Variants in CATSPERE observed in about 807,000 individuals in gnomAD.
CATSPERE encodes the protein cation channel sperm-associated auxiliary subunit epsilon.
In CATSPERE, 93 loss-of-function variants were observed where a neutral mutation model predicts 114.1. The ratio of observed to expected loss-of-function variants is 0.81; its 90% CI spans 0.69 to 0.97. The LOEUF (loss-of-function observed/expected upper bound fraction) is 0.97, where lower values mean the gene tolerates loss of function less well. Among genes scored for constraint, CATSPERE ranks in the 50% least tolerant of loss-of-function variants. The pLI, the probability that CATSPERE is intolerant of heterozygous loss-of-function variation, is 0.00. For synonymous variants in CATSPERE, 341 were observed against 384.1 expected (o/e 0.89, Z 1.31); for missense variants, 1,058 against 1,131.6 (o/e 0.93, Z 0.93).
intron 8 of CATSPERE, among the ~76,000 whole-genome samples, chr1:244,522,669 C>T (rs1343538419): frequency 6.6e-6 from 1 of 152,142 alleles, no homozygotes; most frequent in African/African-American, 2.4e-5. Flanking sequence ...ACCGATCCTA[C>T]AGAAATACAA....
intron 5 of CATSPERE, among the ~76,000 whole-genome samples, chr1:244,482,068 G>A (rs893793870): frequency 2.0e-5 from 3 of 152,150 alleles, no homozygotes; most frequent in Non-Finnish European, 4.4e-5. Flanking sequence ...ACCTATCCAG[G>A]GGGCAGGTTA....
Position 244,639,787 on chromosome 1 carries a change from G to A in CATSPERE, c.2703-141G>A, listed in dbSNP as rs1675133326. 3.5e-5 allele frequency: 25 copies of A among 721,432 alleles called. No individual in the cohort carries two copies. The South Asian group carries it at 4.6e-4, about 13-fold the overall frequency. The allele number at this position is 721,432 out of a possible 1,614,324, so 44.7% of individuals were successfully genotyped here. On this transcript the variant is annotated intron_variant, in intron 21 of 21. Transcript: ENST00000366534. The stretch of plus-strand genomic sequence containing the variant: ...TCAAACACTAAAAGGTAAACACTGT[G>A]AGGGTGGACAGTGTGTCTTATTCAC...
chr1:244,639,487 C>G (rs976275025), intron 21 of CATSPERE, among the ~76,000 whole-genome samples: 4 of 152,088 alleles, frequency 2.6e-5, no homozygotes, highest in Non-Finnish European at 5.9e-5. Context: ...GTCAGGAGTT[C>G]GAGACCAGCC....
chr1:244,545,773 G>C (rs1057277342), intron 8 of CATSPERE, among the ~76,000 whole-genome samples: 8 of 152,184 alleles, frequency 5.3e-5, no homozygotes, highest in African/African-American at 1.9e-4. Context: ...TCCATTATCA[G>C]ATTGAAGTGG....
At chr1:244,480,397 A>G (rs1378675034) in intron 5 of CATSPERE, among the ~76,000 whole-genome samples, 1 of 152,214 alleles carries the variant, frequency 6.6e-6, no homozygotes, top group Admixed American at 6.5e-5. Context: ...GAACTGTAGT[A>G]TGTGGATCCT....
At chr1:244,524,069 A>G (rs1345422888) in intron 8 of CATSPERE, among the ~76,000 whole-genome samples, 1 of 151,566 alleles carries the variant, frequency 6.6e-6, no homozygotes, top group African/African-American at 2.4e-5. Context: ...GAGGCATCAC[A>G]CTACCTGACT....
chr1:244,524,584 A>C (rs1327106152), intron 8 of CATSPERE, among the ~76,000 whole-genome samples: 2 of 152,002 alleles, frequency 1.3e-5, no homozygotes, highest in Non-Finnish European at 2.9e-5. Context: ...TTCACAACCT[A>C]CTCATCTGAC....
chr1:244,490,484 T>C lies in CATSPERE; in HGVS notation c.351+13T>C. 1 of 1,447,412 alleles carries C rather than the reference T, an allele frequency of 6.9e-7. No individual in the cohort carries two copies. Among genetic ancestry groups the C allele is most frequent in the Non-Finnish European group, 9.7e-7 (1 of 1,033,496 alleles). 89.7% of individuals were successfully genotyped at this position (1,447,412 alleles called of 1,614,324 possible). A position where few individuals can be genotyped will look rare whatever the true frequency, so the allele number is the denominator to read the frequency against. ...CAACTTTACCCAGGTAAAATATTTT[T>C]TAAATTTTGTATAGCCTTCATATAT... On this transcript the variant is annotated intron_variant, in intron 6 of 21. Coordinates refer to ENST00000366534, the MANE Select transcript of CATSPERE (RefSeq NM_001130957.2).
chr1:244,621,213 A>ATAAATATATCTATATAT (rs1243986263), intron 20 of CATSPERE, among the ~76,000 whole-genome samples: 2 of 6,776 alleles, frequency 3.0e-4, no homozygotes, highest in Non-Finnish European at 7.1e-4. Context: ...ATATATTTAT[A>ATAAATATATCTATATAT]TATATATTTA....
At chr1:244,546,205 T>A (rs1659726986) in intron 8 of CATSPERE, among the ~76,000 whole-genome samples, 1 of 152,092 alleles carries the variant, frequency 6.6e-6, no homozygotes. Context: ...TGGCCAAGAG[T>A]TTCCAGCTTG....
chr1:244,621,830 A>G (rs577025134), intron 20 of CATSPERE, among the ~76,000 whole-genome samples: 134 of 152,344 alleles, frequency 8.8e-4, no homozygotes, highest in African/African-American at 2.7e-3. Context: ...TAAAAACTCA[A>G]TACACAGATT....
intron 17 of CATSPERE, 40 bp from the exon 18 acceptor site, chr1:244,605,655 T>G: frequency 7.2e-7 from 1 of 1,392,104 alleles, no homozygotes; most frequent in South Asian, 1.2e-5. Context: ...CCCTCTATTT[T>G]ATATTAAACT....
chr1:244,553,806 C>T (rs1004570014), intron 9 of CATSPERE, among the ~76,000 whole-genome samples: 1 of 151,982 alleles, frequency 6.6e-6, no homozygotes, highest in Non-Finnish European at 1.5e-5. Flanking sequence ...ATTAACCAGC[C>T]TCTCTTTATA....
chr1:244,568,961 C>T lies in CATSPERE; in HGVS notation c.1508-3369C>T, dbSNP rs2148563679. ...GCCTGGTGTCTGCCCAAACGGCTGC[C>T]TAGTTTTGTGCTTGAAACCCAGCGC... On this transcript the variant is annotated intron_variant, in intron 10 of 21. Transcript: ENST00000366534. The surrounding 1 kb of genome is among the most constrained non-coding windows in gnomAD (Gnocchi z 4.4). Among the ~76,000 whole-genome samples the T allele has an allele frequency of 6.6e-6, 1 of 152,274 alleles. No homozygotes were observed. Among genetic ancestry groups the T allele is most frequent in the African/African-American group, 2.4e-5 (1 of 41,564 alleles).
chr1:244,610,357 A>G (rs762442153), intron 19 of CATSPERE, 31 bp downstream of exon 19: 15 of 1,496,200 alleles, frequency 1.0e-5, no homozygotes, highest in Non-Finnish European at 1.4e-5. Context: ...CAGATTGTTT[A>G]TTTGGAATAA....
chr1:244,469,015 C>T (rs1050985910), intron 2 of CATSPERE, among the ~76,000 whole-genome samples: 1 of 152,172 alleles, frequency 6.6e-6, no homozygotes, highest in Non-Finnish European at 1.5e-5. Context: ...CTTCTCTACT[C>T]TGTGTAAATT....
intron 4 of CATSPERE, among the ~76,000 whole-genome samples, 158 bp downstream of exon 4, chr1:244,478,133 G>A (rs959186080): frequency 1.3e-5 from 2 of 152,008 alleles, no homozygotes; most frequent in Non-Finnish European, 2.9e-5. Context: ...TAAAGTTATT[G>A]TATGTCAATT....
In CATSPERE at chr1:244,578,839, T is replaced by TAC. The variant is rs1193431977; in HGVS notation, c.1951-2956_1951-2955insCA. 1.2e-3 allele frequency among the ~76,000 whole-genome samples: 174 copies of TAC among 147,076 alleles called. 1 individual carries two copies. The highest frequency in any genetic ancestry group is 4.1e-3 in the African/African-American group (167 of 40,544). ...GTGCATATACATATATATATATATA[T>TAC]ATATACACACACACACAGGTACATA... On this transcript the variant is annotated intron_variant, in intron 11 of 21. Transcript: ENST00000366534.
intron 2 of CATSPERE, among the ~76,000 whole-genome samples, chr1:244,468,354 A>C (rs892434132): frequency 5.9e-5 from 9 of 152,012 alleles, no homozygotes; most frequent in Non-Finnish European, 1.2e-4. Context: ...GGCCTCCCAA[A>C]GTGCTGGGAT....
Sources: allele counts gnomAD v4.1 joint callset (sites outside exome capture counted in the v4.1 genomes callset), GRCh38; gene constraint gnomAD v4.1.1; non-coding constraint Gnocchi (gnomAD v3.1); transcripts MANE v1.5; gene names NCBI Gene and HGNC (gene_info 2026-07-23, HGNC 2026-07-21).